The following RARB variants were observed in gnomAD, a reference collection of about 807,000 sequenced individuals.
RARB encodes HBV-activated protein.
A neutral mutation model predicts 51.9 loss-of-function variants in RARB; 17 were observed. The ratio of observed to expected loss-of-function variants is 0.33; its 90% CI spans 0.22 to 0.49. The LOEUF (loss-of-function observed/expected upper bound fraction) is 0.49, where lower values mean the gene tolerates loss of function less well. Ranked by LOEUF, RARB falls within the 20% of genes least tolerant of loss-of-function variation. RARB has a pLI of 0.99. For missense variants in RARB, 369 were observed against 550.8 expected (o/e 0.67, Z 3.30); for synonymous variants, 215 against 195.4 (o/e 1.10, Z -0.84).
intron 3 of RARB, among the ~76,000 whole-genome samples, chr3:25,525,952 A>G (rs1698627304): frequency 6.6e-6 from 1 of 152,232 alleles, no homozygotes; most frequent in African/African-American, 2.4e-5. Context: ...TGAGTGGTAA[A>G]CAAAACAGAC....
intron 5 of RARB, among the ~76,000 whole-genome samples, chr3:25,592,287 C>G (rs1277213741): frequency 1.3e-5 from 2 of 152,194 alleles, no homozygotes; most frequent in African/African-American, 4.8e-5. Context: ...TATACCCAGT[C>G]AAATTGAATG....
At chr3:25,531,664 T>A (rs557789916) in intron 3 of RARB, among the ~76,000 whole-genome samples, 1 of 152,116 alleles carries the variant, frequency 6.6e-6, no homozygotes, top group East Asian at 1.9e-4. Flanking sequence ...TGCTACAGTT[T>A]TCTGTATTTT....
At position 25,417,111 on chromosome 3, in the gene RARB, A is replaced by G. The variant is rs142660230; in HGVS notation, c.179-44082A>G. 4.4e-3 allele frequency among the ~76,000 whole-genome samples: 667 copies of G among 152,106 alleles called. 7 individuals carry two copies. Among genetic ancestry groups the G allele is most frequent in the African/African-American group, 0.016 (644 of 41,512 alleles). ...TAAGCCTGGAACTGAGCCTTTCCTT[A>G]GAAGCCGCTGGTAATGTTCAGAATT... On this transcript the variant is annotated intron_variant, in intron 5 of 11. Coordinates refer to the RARB transcript ENST00000383772.
In RARB at chr3:25,197,765, T is replaced by A. The variant is rs190206599; in HGVS notation, c.178+23190T>A. Among the ~76,000 whole-genome samples, 91 of 151,794 alleles carry A rather than the reference T, an allele frequency of 6.0e-4. 1 individual carries two copies. The highest frequency in any genetic ancestry group is 2.3e-3 in the East Asian group (12 of 5,146). On this transcript the variant is annotated intron_variant, in intron 5 of 11. Coordinates refer to the RARB transcript ENST00000383772. ...ATCTCTACAATTAAAAAAATGGATG[T>A]AATAAGTTGAAGAAGACACAAAAAA...
At chr3:25,227,834 T>A (rs1314484020) in intron 5 of RARB, among the ~76,000 whole-genome samples, 1 of 152,148 alleles carries the variant, frequency 6.6e-6, no homozygotes, top group Non-Finnish European at 1.5e-5. Flanking sequence ...TGGGCTGAGT[T>A]CCATTATCCC....
intron 1 of RARB, among the ~76,000 whole-genome samples, chr3:24,839,299 T>G (rs534960128): frequency 6.6e-6 from 1 of 152,080 alleles, no homozygotes; most frequent in Non-Finnish European, 1.5e-5. Context: ...TTAACCTTAT[T>G]TGAGTGCCTA....
chr3:25,199,911 T>C lies in RARB; in HGVS notation c.178+25336T>C, dbSNP rs59329476. ...AATAGTGCCACAATAAACATATGTGTGCATGTGTCTTCATAGCAGCATGAT... is the reference window on the plus strand; with the variant it reads ...AATAGTGCCACAATAAACATATGTGCGCATGTGTCTTCATAGCAGCATGAT... On this transcript the variant is annotated intron_variant, in intron 5 of 11. Coordinates refer to the RARB transcript ENST00000383772. Among the ~76,000 whole-genome samples, 834 of 152,298 alleles carry C rather than the reference T, an allele frequency of 5.5e-3. 20 individuals are homozygous for C. The East Asian group carries it at 0.069, about 13-fold the overall frequency.
chr3:25,040,700 C>G (rs1698094896), intron 2 of RARB, among the ~76,000 whole-genome samples: 1 of 152,154 alleles, frequency 6.6e-6, no homozygotes, highest in African/African-American at 2.4e-5. Flanking sequence ...TTGCAGTGAG[C>G]CAGTATCACA....
At chr3:25,285,658 T>G (rs1170096022) in intron 5 of RARB, among the ~76,000 whole-genome samples, 1 of 152,114 alleles carries the variant, frequency 6.6e-6, no homozygotes, top group East Asian at 1.9e-4. Flanking sequence ...CAGAAACTTT[T>G]CAGGTGAAAT....
At chr3:25,348,292 A>G (rs1396110738) in intron 5 of RARB, among the ~76,000 whole-genome samples, 1 of 152,168 alleles carries the variant, frequency 6.6e-6, no homozygotes, top group Non-Finnish European at 1.5e-5. Flanking sequence ...ATAATTGCTT[A>G]GATATTTTAA....
intron 5 of RARB, among the ~76,000 whole-genome samples, chr3:25,371,648 G>A (rs1219343978): frequency 6.6e-6 from 1 of 152,216 alleles, no homozygotes; most frequent in Non-Finnish European, 1.5e-5. Flanking sequence ...TCGCCCTGGG[G>A]CAAAAATTAT....
intron 4 of RARB, among the ~76,000 whole-genome samples, chr3:25,140,081 A>G (rs1358493485): frequency 7.1e-6 from 1 of 139,954 alleles, no homozygotes; most frequent in Non-Finnish European, 1.6e-5. Flanking sequence ...ATACAAGGAC[A>G]TGGTTTTTTT....
intron 2 of RARB, among the ~76,000 whole-genome samples, chr3:24,879,750 A>G (rs572191231): frequency 1.3e-5 from 2 of 152,268 alleles, no homozygotes; most frequent in African/African-American, 4.8e-5. Flanking sequence ...AACCTGTGTG[A>G]GGTCCTGCTA....
At chr3:25,433,694 T>A (rs1708302603) in intron 1 of RARB, among the ~76,000 whole-genome samples, 1 of 152,130 alleles carries the variant, frequency 6.6e-6, no homozygotes, top group African/African-American at 2.4e-5. Flanking sequence ...GTACCTCTTG[T>A]TAAATAGGAG....
intron 3 of RARB, among the ~76,000 whole-genome samples, chr3:25,517,035 C>A (rs180910310): frequency 1.3e-5 from 2 of 152,196 alleles, no homozygotes; most frequent in East Asian, 1.9e-4. Context: ...TTGCAGAGTA[C>A]GAGCAATTAA....
chr3:25,341,391 G>T (rs1237267273), intron 5 of RARB, among the ~76,000 whole-genome samples: 4 of 152,126 alleles, frequency 2.6e-5, no homozygotes, highest in Non-Finnish European at 4.4e-5. Flanking sequence ...AGTAGAAAAA[G>T]GTTGTGGAAC....
chr3:24,972,091 C>T (rs182599621), intron 2 of RARB, among the ~76,000 whole-genome samples: 3 of 151,814 alleles, frequency 2.0e-5, no homozygotes, highest in African/African-American at 7.2e-5. Flanking sequence ...ACCAGGTGTC[C>T]TTTCTTCTAA....
intron 2 of RARB, among the ~76,000 whole-genome samples, chr3:24,972,529 G>A (rs1696423252): frequency 6.6e-6 from 1 of 151,856 alleles, no homozygotes. Context: ...TAGTTCATGT[G>A]GTAGTTATAT....
chr3:24,897,626 C>T (rs371877053), intron 2 of RARB, among the ~76,000 whole-genome samples: 2 of 152,124 alleles, frequency 1.3e-5, no homozygotes, highest in African/African-American at 4.8e-5. Flanking sequence ...ACAATGATAA[C>T]TTTACGTGGT....
Sources: allele counts gnomAD v4.1 joint callset (sites outside exome capture counted in the v4.1 genomes callset), GRCh38; gene constraint gnomAD v4.1.1; transcripts MANE v1.5; gene names NCBI Gene and HGNC (gene_info 2026-07-23, HGNC 2026-07-21).